The following FUT8 variants were observed in gnomAD, a reference collection of about 807,000 sequenced individuals.
FUT8 encodes the protein alpha-(1,6)-fucosyltransferase.
A neutral mutation model predicts 71.3 loss-of-function variants in FUT8; 29 were observed. That is an observed-to-expected ratio of 0.41 (90% CI 0.30 to 0.55). FUT8 has a LOEUF of 0.55. Ranked by LOEUF, FUT8 falls within the 20% of genes least tolerant of loss-of-function variation. The pLI is 0.34. For missense variants in FUT8, 544 were observed against 702.1 expected (o/e 0.77, Z 2.55); for synonymous variants, 254 against 239.3 (o/e 1.06, Z -0.57).
intron 1 of FUT8, among the ~76,000 whole-genome samples, chr14:65,427,342 A>G (rs551832765): frequency 3.3e-5 from 5 of 152,240 alleles, no homozygotes; most frequent in Admixed American, 6.5e-5. Flanking sequence ...TGGTAGTTCT[A>G]TTTTTAATAT....
chr14:65,656,746 C>T (rs990594940), intron 6 of FUT8, among the ~76,000 whole-genome samples: 4 of 152,108 alleles, frequency 2.6e-5, no homozygotes, highest in African/African-American at 9.7e-5. Flanking sequence ...ATCACACTGC[C>T]TGACTTCAAA....
chr14:65,528,152 G>A (rs1006993807), intron 2 of FUT8, among the ~76,000 whole-genome samples: 1 of 152,232 alleles, frequency 6.6e-6, no homozygotes, highest in Non-Finnish European at 1.5e-5. Context: ...CAGAGGTGGA[G>A]TCTGCAGAGG....
At chr14:65,468,720 A>G (rs772885054) in intron 2 of FUT8, among the ~76,000 whole-genome samples, 5 of 152,022 alleles carry the variant, frequency 3.3e-5, no homozygotes, top group Non-Finnish European at 7.4e-5. Flanking sequence ...TACTAAAGAC[A>G]TTCTTTCCTG....
At chr14:65,391,801 T>C in the FUT8 span, among the ~76,000 whole-genome samples, 1 of 144,702 alleles carries the variant, frequency 6.9e-6, no homozygotes, top group Non-Finnish European at 1.5e-5. Context: ...TTTGTATTTT[T>C]AGTAGAGATG....
At chr14:65,384,802 T>C in the FUT8 span, among the ~76,000 whole-genome samples, 1 of 152,192 alleles carries the variant, frequency 6.6e-6, no homozygotes, top group South Asian at 2.1e-4. This position sits in a 1 kb window ranked among gnomAD's most constrained non-coding sequence, Gnocchi z 4.2. Context: ...TTTTAAAATA[T>C]TTCTAATTTT....
chr14:65,615,860 T>C, intron 3 of FUT8, 118 bp from the exon 4 acceptor site: 1 of 662,010 alleles, frequency 1.5e-6, no homozygotes. Context: ...GTACTACTTT[T>C]GTGCTATATG....
chr14:65,461,668 A>G (rs1007703658), intron 2 of FUT8, among the ~76,000 whole-genome samples: 2 of 152,210 alleles, frequency 1.3e-5, no homozygotes, highest in Non-Finnish European at 2.9e-5. Context: ...TTCTTTAGCT[A>G]TTAGTTTGTT....
intron 6 of FUT8, among the ~76,000 whole-genome samples, chr14:65,637,606 T>C (rs1946330212): frequency 6.6e-6 from 1 of 152,092 alleles, no homozygotes; most frequent in African/African-American, 2.4e-5. Context: ...TATTTATTTA[T>C]TTATTTTGTG....
rs2140301954 is a variant in FUT8, at chr14:65,643,237, A to C, written c.597+13631A>C. Among the ~76,000 whole-genome samples the C allele has an allele frequency of 6.6e-6, 1 of 152,302 alleles. No homozygotes were observed. Among genetic ancestry groups the C allele is most frequent in the Non-Finnish European group, 1.5e-5 (1 of 68,036 alleles). On this transcript the variant is annotated intron_variant, in intron 6 of 10. Coordinates refer to ENST00000673929, the MANE Select transcript of FUT8 (RefSeq NM_001371533.1). This position sits in a 1 kb window ranked among gnomAD's most constrained non-coding sequence, Gnocchi z 4.5. ...CATTTTGACATTTTTCAGTTTACATATTTTTATATATTCAAATTCTCTTAA... is the reference window on the plus strand; with the variant it reads ...CATTTTGACATTTTTCAGTTTACATCTTTTTATATATTCAAATTCTCTTAA...
At chr14:65,632,771 T>C (rs1226416973) in intron 6 of FUT8, among the ~76,000 whole-genome samples, 2 of 152,374 alleles carry the variant, frequency 1.3e-5, no homozygotes, top group Admixed American at 1.3e-4. Context: ...TTTTGGGTTC[T>C]TGATTATGAA....
At chr14:65,679,893 C>CATT (rs1045227716) in intron 7 of FUT8, among the ~76,000 whole-genome samples, 3 of 152,098 alleles carry the variant, frequency 2.0e-5, no homozygotes, top group African/African-American at 7.2e-5. Flanking sequence ...AATATGGTTT[C>CATT]ATTAGAATAT....
At chr14:65,373,793 C>G in the FUT8 span, among the ~76,000 whole-genome samples, 1 of 152,162 alleles carries the variant, frequency 6.6e-6, no homozygotes, top group African/African-American at 2.4e-5. Flanking sequence ...GCTGCTAATG[C>G]GCCAAAAGCC....
At chr14:65,383,586 A>G in the FUT8 span, among the ~76,000 whole-genome samples, 1 of 151,894 alleles carries the variant, frequency 6.6e-6, no homozygotes, top group South Asian at 2.1e-4. Flanking sequence ...GATTTCTTTT[A>G]CCCAAGAATA....
intron 7 of FUT8, among the ~76,000 whole-genome samples, chr14:65,682,186 TGTTA>T (rs1185184971): frequency 1.3e-5 from 2 of 152,198 alleles, no homozygotes; most frequent in Non-Finnish European, 2.9e-5. Flanking sequence ...TGGTTAGTGA[TGTTA>T]TTATAAAGAT....
chr14:65,584,209 A>C (rs1594789056), intron 3 of FUT8, among the ~76,000 whole-genome samples: 3 of 132,898 alleles, frequency 2.3e-5, no homozygotes, highest in African/African-American at 8.7e-5. Flanking sequence ...ACAGAGTTTC[A>C]CTCTTGTCGC....
chr14:65,379,733 A>T, the FUT8 span, among the ~76,000 whole-genome samples: 1 of 152,184 alleles, frequency 6.6e-6, no homozygotes, highest in Non-Finnish European at 1.5e-5. Context: ...ATAACAGGAT[A>T]CCATGGACTG....
chr14:65,713,228 G>A (rs1894891300), intron 7 of FUT8, among the ~76,000 whole-genome samples: 1 of 152,156 alleles, frequency 6.6e-6, no homozygotes, highest in Non-Finnish European at 1.5e-5. Context: ...TGTTGCAAAT[G>A]ACAGGGTCTC....
chr14:65,505,559 G>A (rs989379940), intron 2 of FUT8, among the ~76,000 whole-genome samples: 7 of 151,990 alleles, frequency 4.6e-5, no homozygotes, highest in East Asian at 1.9e-4. Flanking sequence ...TGATCTGCCC[G>A]CCTTAGCCTC....
chr14:65,589,593 G>A (rs183638779), intron 3 of FUT8, among the ~76,000 whole-genome samples: 2,141 of 151,926 alleles, frequency 0.014, 44 homozygotes, highest in African/African-American at 0.049. Context: ...ACAGGCGCCC[G>A]CCACCACGCC....
Sources: allele counts gnomAD v4.1 joint callset (sites outside exome capture counted in the v4.1 genomes callset), GRCh38; gene constraint gnomAD v4.1.1; non-coding constraint Gnocchi (gnomAD v3.1); transcripts MANE v1.5; gene names NCBI Gene and HGNC (gene_info 2026-07-23, HGNC 2026-07-21).